The following GMDS variants were observed in gnomAD, a reference collection of about 807,000 sequenced individuals.
GMDS encodes the protein GDP-mannose 4,6 dehydratase.
A neutral mutation model predicts 49.9 loss-of-function variants in GMDS; 20 were observed. The observed-to-expected ratio is 0.40, with a 90% CI of 0.28 to 0.58. The LOEUF (loss-of-function observed/expected upper bound fraction) is 0.58, where lower values mean the gene tolerates loss of function less well. Among genes scored for constraint, GMDS ranks in the 20% least tolerant of loss-of-function variants. The probability of loss-of-function intolerance (pLI) is 0.42; values close to 1 mark genes in which losing one functional copy is unlikely to be tolerated. For missense variants in GMDS, 362 were observed against 481.4 expected (o/e 0.75, Z 2.32); for synonymous variants, 177 against 178.6 (o/e 0.99, Z 0.07).
intron 1 of GMDS, among the ~76,000 whole-genome samples, chr6:2,184,436 T>C (rs1439982036): frequency 1.3e-5 from 2 of 152,218 alleles, no homozygotes; most frequent in Non-Finnish European, 2.9e-5. Flanking sequence ...ATTATACTCC[T>C]GGCCTCTTTC....
At chr6:2,072,058 G>A (rs906843570) in intron 4 of GMDS, among the ~76,000 whole-genome samples, 3 of 152,278 alleles carry the variant, frequency 2.0e-5, no homozygotes, top group Middle Eastern at 3.4e-3. Flanking sequence ...GCCAGGCAGG[G>A]GCGTGTGTGC....
intron 1 of GMDS, among the ~76,000 whole-genome samples, chr6:2,229,470 T>C (rs1032812943): frequency 2.0e-5 from 3 of 150,962 alleles, no homozygotes; most frequent in Non-Finnish European, 2.9e-5. Context: ...CCTGTGATCC[T>C]AGCTACTCAG....
intron 4 of GMDS, among the ~76,000 whole-genome samples, chr6:2,104,236 G>C (rs1175849899): frequency 1.3e-5 from 2 of 152,176 alleles, no homozygotes; most frequent in Non-Finnish European, 2.9e-5. Flanking sequence ...TACAGGAGTG[G>C]ATGACATACC....
At chr6:2,189,071 C>T (rs140196631) in intron 1 of GMDS, among the ~76,000 whole-genome samples, 142 of 152,172 alleles carry the variant, frequency 9.3e-4, no homozygotes, top group Admixed American at 5.2e-3. Context: ...GTGGAGAACA[C>T]TGAATCCAGT....
At chr6:1,773,206 TTTTTAAC>T (rs199806814) in intron 7 of GMDS, among the ~76,000 whole-genome samples, 2,295 of 152,016 alleles carry the variant, frequency 0.015, 56 homozygotes, top group African/African-American at 0.052. Flanking sequence ...TTTTTTTTTT[TTTTTAAC>T]TTTAAGAGAA....
At chr6:2,207,164 A>G (rs1040500534) in intron 1 of GMDS, among the ~76,000 whole-genome samples, 2 of 152,162 alleles carry the variant, frequency 1.3e-5, no homozygotes, top group Non-Finnish European at 2.9e-5. Context: ...ACAATAATCA[A>G]TGACCTAGGT....
chr6:2,094,189 C>A (rs1773469901), intron 4 of GMDS, among the ~76,000 whole-genome samples: 1 of 152,210 alleles, frequency 6.6e-6, no homozygotes, highest in African/African-American at 2.4e-5. Context: ...GAGGCAGACA[C>A]ACACTGAGAA....
intron 4 of GMDS, among the ~76,000 whole-genome samples, chr6:2,038,716 T>C (rs1486834957): frequency 2.0e-5 from 3 of 152,126 alleles, no homozygotes; most frequent in Admixed American, 2.0e-4. Flanking sequence ...CATAAGCACA[T>C]AAATTTTTTC....
chr6:1,681,308 G>C (rs1764781220), intron 9 of GMDS, among the ~76,000 whole-genome samples: 1 of 152,164 alleles, frequency 6.6e-6, no homozygotes, highest in Admixed American at 6.5e-5. Context: ...GCTTCTGCTT[G>C]GCTGCCATGG....
intron 9 of GMDS, among the ~76,000 whole-genome samples, chr6:1,678,709 A>T (rs898917523): frequency 6.6e-6 from 1 of 152,256 alleles, no homozygotes; most frequent in Non-Finnish European, 1.5e-5. Context: ...AGTCAGAGAT[A>T]AAAGATTAAA....
At chr6:2,090,824 T>C (rs897130487) in intron 4 of GMDS, among the ~76,000 whole-genome samples, 1 of 152,206 alleles carries the variant, frequency 6.6e-6, no homozygotes, top group Non-Finnish European at 1.5e-5. Flanking sequence ...TCATCACTTA[T>C]TAGTTCAAAC....
chr6:1,733,937 T>C (rs1378049038), intron 8 of GMDS, among the ~76,000 whole-genome samples: 1 of 151,384 alleles, frequency 6.6e-6, no homozygotes, highest in Non-Finnish European at 1.5e-5. Context: ...GCTGAGGCCA[T>C]AGGCCAGGAG....
intron 4 of GMDS, among the ~76,000 whole-genome samples, chr6:1,964,882 T>C (rs1208767398): frequency 6.6e-6 from 1 of 152,174 alleles, no homozygotes; most frequent in Non-Finnish European, 1.5e-5. Flanking sequence ...CCATGTGTTC[T>C]CATTGTTCAA....
intron 1 of GMDS, among the ~76,000 whole-genome samples, chr6:2,205,021 A>G (rs916196645): frequency 5.9e-5 from 9 of 152,210 alleles, no homozygotes; most frequent in Admixed American, 3.9e-4. Flanking sequence ...TTTTACGTCT[A>G]AAGTTTTACA....
At chr6:2,215,404 A>G (rs1047813754) in intron 1 of GMDS, among the ~76,000 whole-genome samples, 6 of 152,190 alleles carry the variant, frequency 3.9e-5, no homozygotes, top group Non-Finnish European at 8.8e-5. Context: ...AGGAAAAATG[A>G]GAGCCAAGCA....
At chr6:2,067,531 GAA>G (rs1219129310) in intron 4 of GMDS, among the ~76,000 whole-genome samples, 1 of 151,376 alleles carries the variant, frequency 6.6e-6, no homozygotes, top group Non-Finnish European at 1.5e-5. Context: ...GACTAATAAA[GAA>G]AAAAAGAGAG....
chr6:1,871,238 G>A (rs1313017871), intron 7 of GMDS, among the ~76,000 whole-genome samples: 6 of 152,210 alleles, frequency 3.9e-5, no homozygotes, highest in Admixed American at 3.9e-4. Flanking sequence ...CACTGTTTGA[G>A]ACGTTCTGGC....
intron 1 of GMDS, among the ~76,000 whole-genome samples, chr6:2,149,846 A>G (rs1408680795): frequency 6.6e-6 from 1 of 152,292 alleles, no homozygotes; most frequent in South Asian, 2.1e-4. Flanking sequence ...GATTCCAGCC[A>G]GGATTGTGTG....
intron 7 of GMDS, among the ~76,000 whole-genome samples, chr6:1,891,662 T>C (rs1041783269): frequency 2.0e-5 from 3 of 152,188 alleles, no homozygotes; most frequent in Non-Finnish European, 4.4e-5. Flanking sequence ...TCTTAAAATG[T>C]GGGAGCAAGA....
Sources: gnomAD v4.1 joint callset for allele counts (sites outside exome capture counted in the v4.1 genomes callset) on GRCh38, gnomAD v4.1.1 for gene constraint, MANE v1.5 for transcripts, NCBI Gene and HGNC (gene_info 2026-07-23, HGNC 2026-07-21) for gene names.